Variants in SAMMSON observed in about 807,000 individuals in gnomAD.
SAMMSON encodes long intergenic non-protein coding RNA 1212.
At chr3:70,206,702 A>G (rs1394540084) in intron 4 of SAMMSON, 3 of 397,826 alleles carry the variant, frequency 7.5e-6, no homozygotes, top group South Asian at 2.5e-4. Context: ...TGGCTGGTCC[A>G]TCTGTGATAT....
At chr3:70,096,445 G>C (rs1161914727) in intron 4 of SAMMSON, among the ~76,000 whole-genome samples, 2 of 152,150 alleles carry the variant, frequency 1.3e-5, no homozygotes, top group Non-Finnish European at 2.9e-5. Context: ...TCAGGAGACT[G>C]AGAAGAGAGG....
At chr3:70,282,878 C>T (rs1038949765) in intron 6 of SAMMSON, among the ~76,000 whole-genome samples, 3 of 152,108 alleles carry the variant, frequency 2.0e-5, no homozygotes, top group Non-Finnish European at 2.9e-5. Context: ...TTGTAGAATT[C>T]ATGAATCTGC....
At chr3:70,063,696 CA>C (rs1462794160) in intron 3 of SAMMSON, among the ~76,000 whole-genome samples, 1 of 152,122 alleles carries the variant, frequency 6.6e-6, no homozygotes, top group Admixed American at 6.6e-5. Flanking sequence ...TTCTGTGAAT[CA>C]AATCCTTATC....
At chr3:70,348,803 GT>G (rs1333212360) in intron 7 of SAMMSON, among the ~76,000 whole-genome samples, 1 of 151,856 alleles carries the variant, frequency 6.6e-6, no homozygotes, top group Non-Finnish European at 1.5e-5. Flanking sequence ...AAAGAACTGT[GT>G]TTTTTTTCCC....
chr3:70,365,545 G>C (rs1702913912), intron 9 of SAMMSON, among the ~76,000 whole-genome samples: 1 of 151,680 alleles, frequency 6.6e-6, no homozygotes, highest in South Asian at 2.1e-4. Context: ...TATTCCAGTA[G>C]TAAGAAACCT....
chr3:70,085,901 A>G (rs1204623649), intron 4 of SAMMSON, among the ~76,000 whole-genome samples: 3 of 152,198 alleles, frequency 2.0e-5, no homozygotes, highest in Non-Finnish European at 4.4e-5. Context: ...CAACAAATGA[A>G]ACCTTAATCA....
At chr3:70,265,122 T>C (rs1412185485) in intron 6 of SAMMSON, among the ~76,000 whole-genome samples, 1 of 152,128 alleles carries the variant, frequency 6.6e-6, no homozygotes, top group Non-Finnish European at 1.5e-5. Context: ...GTCCCTCCCA[T>C]GACATGTGGG....
At chr3:70,139,955 A>G (rs927523565) in intron 4 of SAMMSON, among the ~76,000 whole-genome samples, 1 of 152,162 alleles carries the variant, frequency 6.6e-6, no homozygotes, top group African/African-American at 2.4e-5. Flanking sequence ...GTTCTCTTCC[A>G]TACAGGCTTT....
In SAMMSON at chr3:70,113,979, G is replaced by A. The variant is rs1428753314; in HGVS notation, n.507+42414G>A. Among the ~76,000 whole-genome samples the A allele has an allele frequency of 5.3e-5, 8 of 152,180 alleles. No individual in the cohort carries two copies. The South Asian group carries it at 6.2e-4, about 12-fold the overall frequency. ...TCTTGGACTTCCAGCCTCCAGAACT[G>A]TGAGATATAAATATCTGTTGTTTAA... On this transcript the variant is annotated intron_variant and non_coding_transcript_variant, in intron 4 of 9. Transcript: ENST00000642114.
intron 2 of SAMMSON, among the ~76,000 whole-genome samples, chr3:70,414,078 T>G (rs1366292051): frequency 6.6e-6 from 1 of 152,098 alleles, no homozygotes; most frequent in African/African-American, 2.4e-5. Context: ...TGTCCTACAT[T>G]TATCTTAGAT....
At chr3:70,317,499 C>G (rs1025765299) in intron 7 of SAMMSON, among the ~76,000 whole-genome samples, 1 of 151,270 alleles carries the variant, frequency 6.6e-6, no homozygotes. Flanking sequence ...TTTTGTCTAA[C>G]CAAAAAATAG....
intron 6 of SAMMSON, among the ~76,000 whole-genome samples, chr3:70,267,006 C>G (rs1012420666): frequency 1.3e-5 from 2 of 152,098 alleles, no homozygotes; most frequent in African/African-American, 4.8e-5. Flanking sequence ...ATTTTCCGGT[C>G]ATAGTTTTCT....
chr3:70,181,918 G>A (rs530699359), intron 4 of SAMMSON, among the ~76,000 whole-genome samples: 1 of 152,230 alleles, frequency 6.6e-6, no homozygotes, highest in Admixed American at 6.5e-5. Context: ...GATGGGCAGG[G>A]GTGAGTCAAC....
chr3:70,156,807 T>C (rs2067593948), intron 4 of SAMMSON, among the ~76,000 whole-genome samples: 1 of 152,082 alleles, frequency 6.6e-6, no homozygotes, highest in Non-Finnish European at 1.5e-5. Context: ...CCTTCTACTT[T>C]AAGAAACAGA....
At chr3:70,311,336 G>C (rs1702451714) in intron 7 of SAMMSON, among the ~76,000 whole-genome samples, 1 of 152,138 alleles carries the variant, frequency 6.6e-6, no homozygotes, top group Non-Finnish European at 1.5e-5. Context: ...ATTTTCAAAA[G>C]TGCGCAAATC....
At chr3:70,069,533 G>A (rs946691858) in intron 3 of SAMMSON, 2 of 152,122 alleles carry the variant, frequency 1.3e-5, no homozygotes, top group Non-Finnish European at 2.9e-5. Flanking sequence ...TACAGGCAAG[G>A]GAACTGAAGC....
At chr3:70,224,151 T>C (rs1231767943) in intron 4 of SAMMSON, among the ~76,000 whole-genome samples, 1 of 152,114 alleles carries the variant, frequency 6.6e-6, no homozygotes, top group Non-Finnish European at 1.5e-5. Context: ...TAATTGAATG[T>C]GGATGAAACT....
At chr3:70,178,637 G>A (rs1701027618) in intron 4 of SAMMSON, among the ~76,000 whole-genome samples, 2 of 152,174 alleles carry the variant, frequency 1.3e-5, no homozygotes, top group African/African-American at 4.8e-5. Flanking sequence ...GCATTTAGAA[G>A]CTTTTCTTGT....
At chr3:70,297,445 C>T (rs1210756536) in intron 7 of SAMMSON, among the ~76,000 whole-genome samples, 3 of 151,906 alleles carry the variant, frequency 2.0e-5, no homozygotes, top group East Asian at 1.9e-4. Flanking sequence ...TTAACCCTCA[C>T]GTTGTTTATT....
Sources: gnomAD v4.1 joint callset for allele counts (sites outside exome capture counted in the v4.1 genomes callset) on GRCh38, gnomAD v4.1.1 for gene constraint, MANE v1.5 for transcripts, NCBI Gene and HGNC (gene_info 2026-07-23, HGNC 2026-07-21) for gene names.